The following HS2ST1 variants were observed in gnomAD, a reference collection of about 807,000 sequenced individuals.
HS2ST1 encodes 2-O-sulfotransferase.
HS2ST1 carries 18 observed loss-of-function variants against 42.9 expected under a neutral mutation model. That is an observed-to-expected ratio of 0.42 (90% confidence interval 0.29 to 0.62). The LOEUF (loss-of-function observed/expected upper bound fraction) is 0.62, where lower values mean the gene tolerates loss of function less well. Ranked by LOEUF, HS2ST1 falls within the 20% of genes least tolerant of loss-of-function variation. The probability of loss-of-function intolerance (pLI) is 0.21; values close to 1 mark genes in which losing one functional copy is unlikely to be tolerated. For missense variants in HS2ST1, 334 were observed against 433.8 expected, an observed-to-expected ratio of 0.77 and a Z score of 2.04; for synonymous variants, 146 against 152.9, an observed-to-expected ratio of 0.95 and a Z score of 0.33.
intron 1 of HS2ST1, chr1:86,993,272 A>T: frequency 7.1e-6 from 7 of 992,822 alleles, no homozygotes; most frequent in East Asian, 3.0e-5. Flanking sequence ...AGGATTTGGC[A>T]GGGGGGTACC....
chr1:87,089,935 CT>C (rs1651901319), intron 3 of HS2ST1, among the ~76,000 whole-genome samples: 1 of 151,960 alleles, frequency 6.6e-6, no homozygotes, highest in African/African-American at 2.4e-5. Flanking sequence ...AGGAGATGTT[CT>C]TCTGCGAGGA....
At chr1:86,916,361 T>A (rs1660158483) in intron 1 of HS2ST1, among the ~76,000 whole-genome samples, 1 of 152,174 alleles carries the variant, frequency 6.6e-6, no homozygotes, top group South Asian at 2.1e-4. Context: ...TAATTTAGAC[T>A]AAGAAATAGA....
chr1:86,954,284 G>C (rs1208658162), intron 1 of HS2ST1, among the ~76,000 whole-genome samples: 4 of 152,052 alleles, frequency 2.6e-5, no homozygotes, highest in Admixed American at 1.3e-4. Context: ...GGGAGGCAGA[G>C]GTTGCAGTGA....
intron 1 of HS2ST1, among the ~76,000 whole-genome samples, chr1:86,919,241 G>A (rs545130275): frequency 8.1e-4 from 123 of 152,104 alleles, no homozygotes; most frequent in South Asian, 1.5e-3. Flanking sequence ...CACTGCACCC[G>A]GCCTCTTATT....
At chr1:87,014,170 T>G (rs985779368) in intron 1 of HS2ST1, among the ~76,000 whole-genome samples, 3 of 152,220 alleles carry the variant, frequency 2.0e-5, no homozygotes, top group Non-Finnish European at 2.9e-5. Flanking sequence ...TCTGTTCTCA[T>G]GCTGCTAATA....
rs1161721585 is a variant in HS2ST1 at position 86,915,109 on chromosome 1, C to T, written c.73C>T (p.Leu25Phe). 6.2e-7 allele frequency: 1 copy of T among 1,614,096 alleles called. No homozygotes were observed. Among genetic ancestry groups the T allele is most frequent in the Non-Finnish European group, 8.5e-7 (1 of 1,180,000 alleles). ...GGTGGTGGCCTTCGCGGTGGCGATG[C>T]TCTTCTTGGAAAACCAGATCCAGAA... Reference protein sequence around the residue: ...LAVVAFAVAMLFLENQIQKLE... With the variant: ...LAVVAFAVAMFFLENQIQKLE... Residue 25 changes from leucine (L) to phenylalanine (F), a missense_variant, in exon 1 of 7, where the codon CTC (leucine) becomes TTC (phenylalanine). Leu to Phe is a conservative substitution (Grantham distance 22, BLOSUM62 0). Coordinates refer to ENST00000370550, the MANE Select transcript of HS2ST1 (RefSeq NM_012262.4).
At chr1:86,985,990 A>G (rs939499003) in intron 1 of HS2ST1, among the ~76,000 whole-genome samples, 25 of 148,996 alleles carry the variant, frequency 1.7e-4, no homozygotes, top group Non-Finnish European at 3.3e-4. Flanking sequence ...TTTGCTTGAC[A>G]TGTTAATGTG....
chr1:86,937,475 AT>A (rs1253527798), intron 1 of HS2ST1, among the ~76,000 whole-genome samples: 1 of 152,172 alleles, frequency 6.6e-6, no homozygotes, highest in Non-Finnish European at 1.5e-5. Context: ...CTTATTTGTG[AT>A]AACTTTAAGA....
chr1:87,103,326 A>G, intron 5 of HS2ST1, 106 bp from the exon 6 acceptor site: 1 of 1,011,460 alleles, frequency 9.9e-7, no homozygotes, highest in Non-Finnish European at 1.4e-6. Flanking sequence ...GAGGCTTTGG[A>G]TATACATGTG....
chr1:86,929,535 A>G (rs1332398188), intron 1 of HS2ST1, among the ~76,000 whole-genome samples: 1 of 151,768 alleles, frequency 6.6e-6, no homozygotes, highest in Non-Finnish European at 1.5e-5. Context: ...GACTCTCTTC[A>G]CTCTTTCCTA....
chr1:86,962,486 C>T (rs1472753732), intron 1 of HS2ST1, among the ~76,000 whole-genome samples: 1 of 152,160 alleles, frequency 6.6e-6, no homozygotes, highest in East Asian at 1.9e-4. Context: ...AAACAGTAAC[C>T]TAACATTGCA....
intron 1 of HS2ST1, among the ~76,000 whole-genome samples, chr1:86,967,816 G>A (rs1648091912): frequency 6.6e-6 from 1 of 152,166 alleles, no homozygotes; most frequent in Admixed American, 6.5e-5. Context: ...TAGATATCCA[G>A]TAGTGGGATT....
chr1:87,105,272 A>G lies in HS2ST1; in HGVS notation c.*576A>G, dbSNP rs1006019793. On this transcript the variant is annotated 3_prime_UTR_variant, in exon 7 of 7. Coordinates refer to ENST00000370550, the MANE Select transcript of HS2ST1 (RefSeq NM_012262.4). ...TATGTAGGTGGTTTTAATTTTTTAA[A>G]TGGTGATTAGTGTTAAAAATCAATT... 2.6e-5 allele frequency: 4 copies of G among 152,616 alleles called. No homozygotes were observed. Among genetic ancestry groups the G allele is most frequent in the African/African-American group, 9.7e-5 (4 of 41,436 alleles). 9.5% of individuals were successfully genotyped at this position (152,616 alleles called of 1,614,324 possible).
chr1:87,045,157 T>C (rs2100608132), intron 1 of HS2ST1: 1 of 866,838 alleles, frequency 1.2e-6, no homozygotes, highest in South Asian at 1.3e-5. Context: ...CCATTGGTTA[T>C]GCTTTTGGCA....
chr1:87,015,732 G>T (rs1649735787), intron 1 of HS2ST1, among the ~76,000 whole-genome samples: 1 of 152,120 alleles, frequency 6.6e-6, no homozygotes, highest in African/African-American at 2.4e-5. Flanking sequence ...TACATTTCTG[G>T]TTTAGAGTGA....
chr1:87,071,118 G>A lies in HS2ST1; in HGVS notation c.125-1816G>A, dbSNP rs145644255. 4.1e-3 allele frequency among the ~76,000 whole-genome samples: 630 copies of A among 152,200 alleles called. 1 individual carries two copies. The highest frequency in any genetic ancestry group is 5.9e-3 in the Non-Finnish European group (402 of 68,024). On this transcript the variant is annotated intron_variant, in intron 1 of 6. Transcript: ENST00000370550. ...ACACATACGTATATCTCTCATATATGTACTTCTGTTTTGGAAGGCCCACTG... is the reference window on the plus strand; with the variant it reads ...ACACATACGTATATCTCTCATATATATACTTCTGTTTTGGAAGGCCCACTG...
At chr1:87,040,621 T>G (rs1650496781) in intron 1 of HS2ST1, among the ~76,000 whole-genome samples, 1 of 152,152 alleles carries the variant, frequency 6.6e-6, no homozygotes, top group Non-Finnish European at 1.5e-5. Context: ...TCTGTGGCCC[T>G]TTCAGAACCT....
intron 4 of HS2ST1, among the ~76,000 whole-genome samples, chr1:87,095,966 CT>C (rs374234551): frequency 0.036 from 4,503 of 126,134 alleles, 64 homozygotes; most frequent in South Asian, 0.069. Flanking sequence ...AGCCGGTTTT[CT>C]TTTTTTTTTT....
At chr1:87,067,700 A>G (rs566381224) in intron 1 of HS2ST1, among the ~76,000 whole-genome samples, 22 of 152,250 alleles carry the variant, frequency 1.4e-4, no homozygotes, top group African/African-American at 4.1e-4. Context: ...TTATGGTTTT[A>G]AGTCTTAGTT....
Sources: allele counts gnomAD v4.1 joint callset (sites outside exome capture counted in the v4.1 genomes callset), GRCh38; gene constraint gnomAD v4.1.1; transcripts MANE v1.5; gene names NCBI Gene and HGNC (gene_info 2026-07-23, HGNC 2026-07-21).